Variants in FKBP9 observed in about 807,000 individuals in gnomAD.
The protein encoded by FKBP9 is FKBP prolyl isomerase 9, also known as peptidyl-prolyl cis-trans isomerase FKBP9.
FKBP9 carries 27 observed loss-of-function variants against 55.6 expected under a neutral mutation model. The observed-to-expected ratio is 0.49, with a 90% CI of 0.36 to 0.67. The LOEUF is 0.67. Among genes scored for constraint, FKBP9 ranks in the 30% least tolerant of loss-of-function variants. The pLI is 0.00. For synonymous variants in FKBP9, 267 were observed against 296.5 expected (o/e 0.90, Z 1.02); for missense variants, 539 against 742.8 (o/e 0.73, Z 3.19).
At chr7:32,990,856 A>C (rs1021596593) in intron 6 of FKBP9, among the ~76,000 whole-genome samples, 2 of 152,142 alleles carry the variant, frequency 1.3e-5, no homozygotes, top group Admixed American at 1.3e-4. Context: ...GAGTTTTCCC[A>C]GTAGTGTTCA....
At position 32,957,551 on chromosome 7, in the gene FKBP9, G is replaced by C; in HGVS notation, c.-23G>C. 1 of 1,417,268 alleles carries C rather than the reference G, an allele frequency of 7.1e-7. No homozygotes were observed. The highest frequency in any genetic ancestry group is 9.1e-7 in the Non-Finnish European group (1 of 1,093,572). The allele number at this position is 1,417,268 out of a possible 1,614,324, so 87.8% of individuals were successfully genotyped here. On this transcript the variant is annotated 5_prime_UTR_variant, in exon 1 of 10. Coordinates refer to ENST00000242209, the MANE Select transcript of FKBP9 (RefSeq NM_007270.5). ...GCCGCCCGAGCGCCGCGCTGCGTCC[G>C]CGCCACTCTTCTCGCCGCCCCGATG...
chr7:32,996,899 A>G (rs1237956417), intron 7 of FKBP9, among the ~76,000 whole-genome samples: 3 of 141,922 alleles, frequency 2.1e-5, no homozygotes, highest in African/African-American at 8.0e-5. Flanking sequence ...GGTTCACGCC[A>G]TTCTCCTGCC....
At chr7:32,975,407 G>A (rs746607681) in intron 3 of FKBP9, 36 bp downstream of exon 3, 109 of 1,558,776 alleles carry the variant, frequency 7.0e-5, no homozygotes, top group Non-Finnish European at 9.6e-5. Flanking sequence ...TCAGTGAAAT[G>A]TCCCATGCAT....
At chr7:32,960,133 A>C (rs1253042537) in intron 1 of FKBP9, among the ~76,000 whole-genome samples, 1 of 88,848 alleles carries the variant, frequency 1.1e-5, no homozygotes, top group East Asian at 3.5e-4. Flanking sequence ...TTTTTTTGAG[A>C]TGGAATTTTG....
intron 1 of FKBP9, among the ~76,000 whole-genome samples, chr7:32,959,372 C>A (rs180721609): frequency 6.6e-6 from 1 of 152,204 alleles, no homozygotes; most frequent in Non-Finnish European, 1.5e-5. Context: ...CCACTGCACT[C>A]CAACCTGGGT....
rs550420879 is a variant in FKBP9, at chr7:33,002,849, T to C, written c.1536+10T>C. 67 of 1,611,958 alleles carry C rather than the reference T, an allele frequency of 4.2e-5. No homozygotes were observed. The African/African-American group carries it at 8.3e-4, about 20-fold the overall frequency. On this transcript the variant is annotated intron_variant, in intron 9 of 9. Coordinates refer to ENST00000242209, the MANE Select transcript of FKBP9 (RefSeq NM_007270.5). Reference sequence around the variant, plus strand: ...AGTCCTCCTGGAAGAGGTAACTAACTGGCCTCTGTAGGAAGGTGGGACCGA... The same window carrying C: ...AGTCCTCCTGGAAGAGGTAACTAACCGGCCTCTGTAGGAAGGTGGGACCGA...
intron 5 of FKBP9, among the ~76,000 whole-genome samples, chr7:32,982,318 G>A (rs1380644962): frequency 6.6e-6 from 1 of 152,160 alleles, no homozygotes; most frequent in African/African-American, 2.4e-5. Context: ...ACTGGGCCCA[G>A]CCTAATGTGT....
intron 6 of FKBP9, among the ~76,000 whole-genome samples, chr7:32,990,360 A>G (rs1784656942): frequency 6.6e-6 from 1 of 152,186 alleles, no homozygotes; most frequent in Admixed American, 6.5e-5. Context: ...AGATGGAAAC[A>G]CATTCTCCCC....
Position 32,957,723 on chromosome 7 carries a change from C to T in FKBP9, c.150C>T (p.Thr50=). 6.5e-7 allele frequency: 1 copy of T among 1,527,560 alleles called. No homozygotes were observed. The highest frequency in any genetic ancestry group is 8.8e-7 in the Non-Finnish European group (1 of 1,142,746). The allele number at this position is 1,527,560 out of a possible 1,614,324, so 94.6% of individuals were successfully genotyped here. A position where few individuals can be genotyped will look rare whatever the true frequency, so the allele number is the denominator to read the frequency against. ...RRFVPDECPR[T]VRSGDFVRYH... is the part of the protein sequence containing the mutation. ...TCGTGCCCGACGAGTGCCCGCGCAC[C>T]GTGCGCAGCGGCGACTTCGTGCGCT... Residue 50 remains threonine, a synonymous_variant, in exon 1 of 10, where the codon ACC becomes ACT. Coordinates refer to ENST00000242209, the MANE Select transcript of FKBP9 (RefSeq NM_007270.5).
intron 9 of FKBP9, among the ~76,000 whole-genome samples, chr7:33,003,622 G>A (rs1301185276): frequency 3.9e-5 from 6 of 152,080 alleles, no homozygotes; most frequent in Admixed American, 1.3e-4. Flanking sequence ...TCCGTATCGC[G>A]GAATCCAGTG....
In FKBP9 at chr7:33,005,367, G is replaced by A; in HGVS notation, c.*16G>A. 2.5e-6 allele frequency: 4 copies of A among 1,613,918 alleles called. No homozygotes were observed. Among genetic ancestry groups the A allele is most frequent in the Non-Finnish European group, 3.4e-6 (4 of 1,179,846 alleles). On this transcript the variant is annotated 3_prime_UTR_variant, in exon 10 of 10. Coordinates refer to ENST00000242209, the MANE Select transcript of FKBP9 (RefSeq NM_007270.5). ...TGAACTCTAAACCTGGCATGAACCA[G>A]ATGGTGCCAGGGAGTACGTGACACC...
chr7:32,978,124 G>A (rs1583852847), intron 4 of FKBP9, among the ~76,000 whole-genome samples: 1 of 151,596 alleles, frequency 6.6e-6, no homozygotes, highest in East Asian at 1.9e-4. Flanking sequence ...ATTTCGCCAT[G>A]TTGGCCAGAC....
At chr7:32,965,870 T>TAC (rs1420418767) in intron 1 of FKBP9, among the ~76,000 whole-genome samples, 1 of 35,944 alleles carries the variant, frequency 2.8e-5, no homozygotes, top group African/African-American at 1.5e-4. Flanking sequence ...TATATATACA[T>TAC]ACATATATAT....
chr7:32,962,321 G>A (rs11768478), intron 1 of FKBP9, among the ~76,000 whole-genome samples: 1 of 152,216 alleles, frequency 6.6e-6, no homozygotes, highest in African/African-American at 2.4e-5. Context: ...TTGAACCTGG[G>A]AGGTGGAGGT....
chr7:32,986,005 A>G (rs182485420), intron 5 of FKBP9, among the ~76,000 whole-genome samples: 14 of 152,322 alleles, frequency 9.2e-5, no homozygotes, highest in Admixed American at 8.5e-4. Flanking sequence ...AAAAAAGAAA[A>G]GATAAAAGAA....
intron 6 of FKBP9, among the ~76,000 whole-genome samples, chr7:32,991,871 A>G (rs1784691087): frequency 6.6e-6 from 1 of 151,912 alleles, no homozygotes; most frequent in South Asian, 2.1e-4. Context: ...TAGGAAAGAG[A>G]GGAAAGTTAA....
intron 6 of FKBP9, chr7:32,992,951 T>C: frequency 4.3e-6 from 1 of 230,976 alleles, no homozygotes; most frequent in East Asian, 6.2e-5. Flanking sequence ...ACTCACCTGA[T>C]GCTACATGGT....
intron 1 of FKBP9, among the ~76,000 whole-genome samples, chr7:32,962,309 G>A (rs1434111248): frequency 7.9e-5 from 12 of 152,084 alleles, no homozygotes; most frequent in South Asian, 2.1e-4. Context: ...CAGGAGAATC[G>A]CTTGAACCTG....
At chr7:32,960,074 A>T (rs1445231908) in intron 1 of FKBP9, among the ~76,000 whole-genome samples, 3 of 148,046 alleles carry the variant, frequency 2.0e-5, no homozygotes, top group African/African-American at 7.5e-5. Context: ...GAAGGTTCAT[A>T]GTTCTCCACG....
Sources: gnomAD v4.1 joint callset for allele counts (sites outside exome capture counted in the v4.1 genomes callset) on GRCh38, gnomAD v4.1.1 for gene constraint, MANE v1.5 for transcripts, NCBI Gene and HGNC (gene_info 2026-07-23, HGNC 2026-07-21) for gene names.